The following TNRC6C variants were observed in gnomAD, a reference collection of about 807,000 sequenced individuals.
TNRC6C encodes trinucleotide repeat-containing gene 6C protein.
A neutral mutation model predicts 153.7 loss-of-function variants in TNRC6C; 20 were observed. The observed-to-expected ratio is 0.13, with a 90% CI of 0.09 to 0.19. The LOEUF (loss-of-function observed/expected upper bound fraction) is 0.19, where lower values mean the gene tolerates loss of function less well. Among genes scored for constraint, TNRC6C ranks in the 10% least tolerant of loss-of-function variants. TNRC6C has a pLI of 1.00. For synonymous variants in TNRC6C, 811 were observed against 841.4 expected (o/e 0.96, Z 0.63); for missense variants, 1,987 against 2,172.0 (o/e 0.91, Z 1.69).
intron 10 of TNRC6C, among the ~76,000 whole-genome samples, chr17:78,082,687 TC>T (rs201793215): frequency 0.021 from 3,215 of 152,202 alleles, 114 homozygotes; most frequent in African/African-American, 0.072. Context: ...TTATAGGCTC[TC>T]CCCAAGGGTC....
chr17:78,082,945 A>G, intron 10 of TNRC6C, 102 bp from the exon 13 acceptor site: 3 of 1,422,554 alleles, frequency 2.1e-6, no homozygotes, highest in South Asian at 2.6e-5. Flanking sequence ...GGGTCTCCCT[A>G]CAAATTATCA....
upstream of TNRC6C, among the ~76,000 whole-genome samples, chr17:78,003,084 G>T (rs1056520793): frequency 6.6e-6 from 1 of 152,196 alleles, no homozygotes; most frequent in Non-Finnish European, 1.5e-5. Context: ...GGTGGTTAGG[G>T]TCTAGTAGCT....
chr17:77,960,422 C>T lies in TNRC6C; in HGVS notation c.-38+1154C>T, dbSNP rs562610135. 1.6e-4 allele frequency among the ~76,000 whole-genome samples: 25 copies of T among 152,294 alleles called. No individual in the cohort carries two copies. In the South Asian group the frequency reaches 5.0e-3, roughly 30 times the overall value. ...AATTTATGGTGATCGCTGTGAGAGCCTCGTACGTCCCTGAATGTAATTTGA... is the reference window on the plus strand; with the variant it reads ...AATTTATGGTGATCGCTGTGAGAGCTTCGTACGTCCCTGAATGTAATTTGA... On this transcript the variant is annotated intron_variant, in intron 1 of 22. Transcript: ENST00000636222.
intron 3 of TNRC6C, among the ~76,000 whole-genome samples, chr17:78,059,860 AAAAG>A (rs2072732075): frequency 6.9e-6 from 1 of 145,536 alleles, no homozygotes; most frequent in South Asian, 2.1e-4. Context: ...AAAAAAAAAA[AAAAG>A]AAAAAGAAAA....
At chr17:77,957,751 G>C (rs73997876), upstream of TNRC6C, among the ~76,000 whole-genome samples, 86 of 152,342 alleles carry the variant, frequency 5.6e-4, no homozygotes, top group African/African-American at 1.9e-3. Context: ...GTTAAAAAGG[G>C]ACTTTTCGAA....
rs986182192 is a variant in TNRC6C at position 78,068,423 on chromosome 17, G to C, written c.2778+500G>C. 2.0e-5 allele frequency among the ~76,000 whole-genome samples: 3 copies of C among 152,224 alleles called. No homozygotes were observed. In the East Asian group the frequency reaches 5.8e-4, roughly 29 times the overall value. ...CAACTCATGTCAACAGAAGTTCTTT[G>C]GGATCTTCAGTCTCTAAGAGAGTAT... On this transcript the variant is annotated intron_variant, in intron 5 of 19. Coordinates refer to ENST00000301624, the Ensembl canonical transcript of TNRC6C.
chr17:78,073,105 C>T lies in TNRC6C; in HGVS notation c.2917+11C>T. On this transcript the variant is annotated intron_variant, in intron 7 of 19. Transcript: ENST00000301624. The stretch of plus-strand genomic sequence containing the variant: ...TTGATCAGGCCATGAGTAAGTCATA[C>T]AACATCCTTTTTAAAAAGGTACCCA... The T allele has an allele frequency of 6.5e-7, 1 of 1,550,378 alleles. No homozygotes were observed. Among genetic ancestry groups the T allele is most frequent in the Non-Finnish European group, 8.7e-7 (1 of 1,145,926 alleles).
chr17:78,082,868 G>T (rs546419587), intron 10 of TNRC6C, among the ~76,000 whole-genome samples, 179 bp from the exon 13 acceptor site: 4 of 152,136 alleles, frequency 2.6e-5, no homozygotes, highest in Non-Finnish European at 5.9e-5. Context: ...ACACAGTCCT[G>T]CATGCAATTT....
chr17:78,050,835 C>T, exon 3 of TNRC6C: 2 of 1,613,824 alleles, frequency 1.2e-6, no homozygotes, highest in Non-Finnish European at 1.7e-6. Context: ...CAAATCCAGC[C>T]TGGAGTGCAG....
chr17:77,961,452 G>C (rs534030850), intron 1 of TNRC6C, among the ~76,000 whole-genome samples: 2 of 152,104 alleles, frequency 1.3e-5, no homozygotes, highest in Non-Finnish European at 2.9e-5. Context: ...CACCACGCTC[G>C]GCCGGTTTTA....
At position 78,084,642 on chromosome 17, in the gene TNRC6C, C is replaced by T. The variant is rs374242888; in HGVS notation, c.3477+1476C>T. Among the ~76,000 whole-genome samples the T allele has an allele frequency of 7.2e-4, 98 of 136,676 alleles. 4 individuals carry two copies. The South Asian group carries it at 0.011, about 15-fold the overall frequency. The allele number at this position is 136,676 out of a possible 152,430, so 89.7% of individuals were successfully genotyped here. A position where few individuals can be genotyped will look rare whatever the true frequency, so the allele number is the denominator to read the frequency against. ...TTTTCTTTTTTTTTTTTTTTTGAGACGGCGTCTTGCTAGTCTTGCTCTGTT... is the reference window on the plus strand; with the variant it reads ...TTTTCTTTTTTTTTTTTTTTTGAGATGGCGTCTTGCTAGTCTTGCTCTGTT... On this transcript the variant is annotated intron_variant, in intron 11 of 19. Transcript: ENST00000301624.
At chr17:78,046,204 T>C (rs139466686) in intron 2 of TNRC6C, among the ~76,000 whole-genome samples, 243 of 151,530 alleles carry the variant, frequency 1.6e-3, no homozygotes, top group African/African-American at 5.6e-3. Context: ...TTTTTTGAGA[T>C]GGAGTCTCAC....
intron 1 of TNRC6C, among the ~76,000 whole-genome samples, chr17:77,991,261 T>C (rs2071245446): frequency 6.6e-6 from 1 of 152,220 alleles, no homozygotes; most frequent in Non-Finnish European, 1.5e-5. Context: ...TATTGTTTGT[T>C]CAAGTCACAC....
chr17:77,971,548 A>G (rs892777487), intron 1 of TNRC6C, among the ~76,000 whole-genome samples: 18 of 152,234 alleles, frequency 1.2e-4, no homozygotes, highest in East Asian at 3.9e-4. Flanking sequence ...CAGATCCAGA[A>G]CTGCACCCCT....
intron 2 of TNRC6C, among the ~76,000 whole-genome samples, chr17:78,044,717 T>C (rs1445768426): frequency 6.6e-6 from 1 of 152,252 alleles, no homozygotes. Flanking sequence ...ATTCTGCTTT[T>C]GTGCCACAGC....
chr17:77,979,841 C>T (rs920771782), intron 1 of TNRC6C, among the ~76,000 whole-genome samples: 1 of 152,146 alleles, frequency 6.6e-6, no homozygotes, highest in African/African-American at 2.4e-5. Flanking sequence ...GATACATTAC[C>T]TTCAAAGGAG....
upstream of TNRC6C, among the ~76,000 whole-genome samples, chr17:78,000,615 T>TCCCCCCCCCC (rs1410836302): frequency 1.5e-4 from 2 of 13,528 alleles, no homozygotes; most frequent in African/African-American, 4.4e-4. Context: ...TCTTTCTCCC[T>TCCCCCCCCCC]CCGCCCCCCC....
intron 1 of TNRC6C, among the ~76,000 whole-genome samples, chr17:78,028,693 ACC>A (rs779370440): frequency 1.2e-4 from 18 of 151,854 alleles, no homozygotes; most frequent in Non-Finnish European, 2.6e-4. Context: ...ATCATGAACC[ACC>A]CCCCAATGTT....
chr17:78,025,249 T>C (rs2071918281), intron 1 of TNRC6C, among the ~76,000 whole-genome samples: 1 of 152,184 alleles, frequency 6.6e-6, no homozygotes, highest in Non-Finnish European at 1.5e-5. Flanking sequence ...CCCACTCCCC[T>C]GGCAACCGCT....
Sources: allele counts gnomAD v4.1 joint callset (sites outside exome capture counted in the v4.1 genomes callset), GRCh38; gene constraint gnomAD v4.1.1; transcripts MANE v1.5; gene names NCBI Gene and HGNC (gene_info 2026-07-23, HGNC 2026-07-21).